SIAH3: variants seen among roughly 807,000 people sequenced by gnomAD.
SIAH3 encodes the protein seven in absentia homolog 3.
A neutral mutation model predicts 12.6 loss-of-function variants in SIAH3; 9 were observed. That is an observed-to-expected ratio of 0.72 (90% confidence interval 0.43 to 1.25). The LOEUF is 1.25. Ranked by LOEUF, SIAH3 falls within the 50% of genes most tolerant of loss-of-function variation. SIAH3 has a pLI of 0.00. For missense variants in SIAH3, 390 were observed against 365.4 expected, an observed-to-expected ratio of 1.07 and a Z score of -0.55; for synonymous variants, 154 against 151.1, an observed-to-expected ratio of 1.02 and a Z score of -0.14.
chr13:45,845,912 C>A (rs1950758064), intron 1 of SIAH3, among the ~76,000 whole-genome samples: 1 of 151,436 alleles, frequency 6.6e-6, no homozygotes, highest in African/African-American at 2.4e-5. Context: ...GTGGTACAGC[C>A]CAGGGTGTCA....
rs943301023 is a variant in SIAH3, at chr13:45,803,069, C to CA, written c.136-19013dup. ...CTGGGTGACAAGAGCAAAACTCTGT[C>CA]AAAAAAAAAAAAGGCAGCCGCAGAC... On this transcript the variant is annotated intron_variant, in intron 1 of 1. Transcript: ENST00000400405. Among the ~76,000 whole-genome samples the CA allele has an allele frequency of 5.3e-3, 728 of 138,386 alleles. 4 individuals are homozygous for CA. The highest frequency in any genetic ancestry group is 0.016 in the African/African-American group (598 of 37,728). The allele number at this position is 138,386 out of a possible 152,430, so 90.8% of individuals were successfully genotyped here. A position where few individuals can be genotyped will look rare whatever the true frequency, so the allele number is the denominator to read the frequency against.
chr13:45,783,320 G>A lies in SIAH3; in HGVS notation c.*63C>T, dbSNP rs1012490138. On this transcript the variant is annotated 3_prime_UTR_variant, in exon 2 of 2. Transcript: ENST00000400405. ...GAATAAAAAGGAGTCTGGAGTCCTG[G>A]TATTGGGAGGTCCCAGGCGTTTCCT... 102 of 1,374,174 alleles carry A rather than the reference G, an allele frequency of 7.4e-5. No individual in the cohort carries two copies. The highest frequency in any genetic ancestry group is 9.8e-5 in the Non-Finnish European group (98 of 995,728). 85.1% of individuals were successfully genotyped at this position (1,374,174 alleles called of 1,614,324 possible).
At chr13:45,821,386 AATTCATGGT>A (rs1433274444) in intron 1 of SIAH3, among the ~76,000 whole-genome samples, 1 of 152,234 alleles carries the variant, frequency 6.6e-6, no homozygotes, top group Non-Finnish European at 1.5e-5. Flanking sequence ...CAAGCCACCT[AATTCATGGT>A]ACTTTGTTGT....
At chr13:45,797,161 T>TA (rs1491402310) in intron 1 of SIAH3, among the ~76,000 whole-genome samples, 1 of 139,902 alleles carries the variant, frequency 7.1e-6, no homozygotes, top group East Asian at 1.9e-4. Flanking sequence ...TTTTTTTTTT[T>TA]AACACAATTC....
intron 1 of SIAH3, among the ~76,000 whole-genome samples, chr13:45,822,534 TA>T (rs1280508532): frequency 4.4e-5 from 6 of 135,206 alleles, no homozygotes; most frequent in Non-Finnish European, 9.4e-5. Flanking sequence ...TATATATATA[TA>T]TATATATATA....
rs548657516 is a variant in SIAH3 at position 45,777,289 on chromosome 13, G to A, written c.*6094C>T. 2.6e-5 allele frequency: 4 copies of A among 152,294 alleles called. No individual in the cohort carries two copies. The South Asian group carries it at 6.2e-4, about 24-fold the overall frequency. 9.4% of individuals were successfully genotyped at this position (152,294 alleles called of 1,614,324 possible). A position where few individuals can be genotyped will look rare whatever the true frequency, so the allele number is the denominator to read the frequency against. Reference sequence around the variant, plus strand: ...CAATTTAATGACATTTTCTATGAGAGGGCAGAGATGAAGTAGCAGTTTGAG... The same window carrying A: ...CAATTTAATGACATTTTCTATGAGAAGGCAGAGATGAAGTAGCAGTTTGAG... On this transcript the variant is annotated 3_prime_UTR_variant, in exon 2 of 2. Transcript: ENST00000400405.
chr13:45,827,360 T>C (rs1950682504), intron 1 of SIAH3, among the ~76,000 whole-genome samples: 1 of 152,208 alleles, frequency 6.6e-6, no homozygotes, highest in Admixed American at 6.5e-5. Context: ...AATCCTGACA[T>C]TCTGAGCACC....
chr13:45,807,197 A>G (rs1950600923), intron 1 of SIAH3, among the ~76,000 whole-genome samples: 1 of 152,150 alleles, frequency 6.6e-6, no homozygotes, highest in African/African-American at 2.4e-5. Context: ...AGTATCATCT[A>G]TTCAATACGA....
chr13:45,846,341 C>T (rs780886609), intron 1 of SIAH3, among the ~76,000 whole-genome samples: 8 of 152,010 alleles, frequency 5.3e-5, no homozygotes, highest in South Asian at 4.2e-4. Context: ...CCACCTGCCT[C>T]GGCCTCACAA....
chr13:45,800,198 T>A lies in SIAH3; in HGVS notation c.136-16141A>T, dbSNP rs112945346. On this transcript the variant is annotated intron_variant, in intron 1 of 1. Transcript: ENST00000400405. ...CTTTCAATGCCATTTTCGACATAAA[T>A]GCCTAAATATTGCACTTGTAGTCTT... Among the ~76,000 whole-genome samples the A allele has an allele frequency of 2.5e-4, 38 of 152,364 alleles. 1 individual carries two copies. The highest frequency in any genetic ancestry group is 6.7e-4 in the African/African-American group (28 of 41,586).
At chr13:45,786,512 T>G (rs1296277652) in intron 1 of SIAH3, among the ~76,000 whole-genome samples, 1 of 151,840 alleles carries the variant, frequency 6.6e-6, no homozygotes, top group African/African-American at 2.4e-5. Context: ...AGGCTGGAGG[T>G]CGAAAGACTC....
chr13:45,786,731 C>G (rs1193549267), intron 1 of SIAH3, among the ~76,000 whole-genome samples: 2 of 152,148 alleles, frequency 1.3e-5, no homozygotes, highest in African/African-American at 2.4e-5. Flanking sequence ...CTGCCTGTCT[C>G]CATTCTGATC....
chr13:45,795,237 G>A (rs2137554185), intron 1 of SIAH3, among the ~76,000 whole-genome samples: 1 of 152,254 alleles, frequency 6.6e-6, no homozygotes, highest in Middle Eastern at 3.4e-3. Flanking sequence ...TGAGCCCCAT[G>A]ATCCAAGAAG....
At position 45,784,045 on chromosome 13, in the gene SIAH3, G is replaced by T. The variant is rs759228439; in HGVS notation, c.148C>A (p.Arg50=). The change falls in exon 2 of 2, where the codon CGG becomes AGG. Residue 50 remains arginine, a synonymous_variant. Transcript: ENST00000400405. Reference sequence around the variant, plus strand: ...GGAGCGCTCTGAGTGACGGCGCGCCGACTGGACACATACTGTAAGGAAAGA... The same window carrying T: ...GGAGCGCTCTGAGTGACGGCGCGCCTACTGGACACATACTGTAAGGAAAGA... ...PTHNLKYVSS[R]RAVTQSAPEQ... is the part of the protein sequence containing the mutation. The T allele has an allele frequency of 1.0e-5, 16 of 1,586,616 alleles. No homozygotes were observed. In the East Asian group the frequency reaches 2.7e-4, roughly 27 times the overall value.
At chr13:45,843,635 G>A (rs1950748524) in intron 1 of SIAH3, among the ~76,000 whole-genome samples, 1 of 152,166 alleles carries the variant, frequency 6.6e-6, no homozygotes, top group Admixed American at 6.5e-5. Flanking sequence ...TTTCTTTGAA[G>A]CTAAACATTA....
At chr13:45,787,252 G>A (rs1383070448) in intron 1 of SIAH3, among the ~76,000 whole-genome samples, 1 of 152,140 alleles carries the variant, frequency 6.6e-6, no homozygotes, top group Non-Finnish European at 1.5e-5. Flanking sequence ...ATTTGAACAG[G>A]CTGGGGCTCC....
chr13:45,812,675 GAC>G (rs1376255862), intron 1 of SIAH3, among the ~76,000 whole-genome samples: 3 of 151,888 alleles, frequency 2.0e-5, no homozygotes, highest in Non-Finnish European at 4.4e-5. Context: ...CACACACACA[GAC>G]ACACACACAT....
chr13:45,837,956 C>T (rs1452795051), intron 1 of SIAH3, among the ~76,000 whole-genome samples: 1 of 152,196 alleles, frequency 6.6e-6, no homozygotes, highest in South Asian at 2.1e-4. Context: ...ATGGGTTAAG[C>T]TCATAAAATT....
At chr13:45,838,480 A>G (rs1464575717) in intron 1 of SIAH3, among the ~76,000 whole-genome samples, 1 of 152,048 alleles carries the variant, frequency 6.6e-6, no homozygotes, top group Non-Finnish European at 1.5e-5. Flanking sequence ...GCTTACAGGG[A>G]GGCTCGCACA....
Sources: allele counts gnomAD v4.1 joint callset (sites outside exome capture counted in the v4.1 genomes callset), GRCh38; gene constraint gnomAD v4.1.1; transcripts MANE v1.5; gene names NCBI Gene and HGNC (gene_info 2026-07-23, HGNC 2026-07-21).